Variants in USP36 observed in about 807,000 individuals in gnomAD.
USP36 encodes ubiquitin specific peptidase 36, also known as ubiquitin carboxyl-terminal hydrolase 36.
In USP36, 59 loss-of-function variants were observed where a neutral mutation model predicts 111.5. The ratio of observed to expected loss-of-function variants is 0.53; its 90% CI spans 0.43 to 0.66. USP36 has a LOEUF of 0.66. Among genes scored for constraint, USP36 ranks in the 30% least tolerant of loss-of-function variants. USP36 has a pLI of 0.00. For missense variants in USP36, 1,488 were observed against 1,468.0 expected (o/e 1.01, Z -0.22); for synonymous variants, 628 against 581.0 (o/e 1.08, Z -1.16).
At chr17:78,826,839 C>A (rs1452033307) in intron 6 of USP36, 1 of 535,612 alleles carries the variant, frequency 1.9e-6, no homozygotes, top group East Asian at 3.2e-5. Context: ...AATTATACTG[C>A]AGAGACCTCA....
At chr17:78,834,466 G>A (rs1332032131) in intron 4 of USP36, among the ~76,000 whole-genome samples, 4 of 151,928 alleles carry the variant, frequency 2.6e-5, no homozygotes, top group Non-Finnish European at 5.9e-5. Context: ...TGTGTGAGAT[G>A]GAGTCTTGCT....
chr17:78,815,816 C>T (rs1368697746), intron 10 of USP36, among the ~76,000 whole-genome samples: 3 of 148,982 alleles, frequency 2.0e-5, no homozygotes, highest in East Asian at 3.9e-4. Flanking sequence ...ACATCGTATA[C>T]ACACATGCAC....
At chr17:78,815,793 T>C (rs772340278) in intron 10 of USP36, among the ~76,000 whole-genome samples, 6 of 152,062 alleles carry the variant, frequency 3.9e-5, no homozygotes, top group Admixed American at 1.3e-4. Context: ...CATATATACA[T>C]ACATGCATAC....
In USP36 at chr17:78,807,429, GCTT is replaced by G; in HGVS notation, c.1612_1614del (p.Lys538del). The G allele has an allele frequency of 6.2e-7, 1 of 1,614,170 alleles. No homozygotes were observed. Among genetic ancestry groups the G allele is most frequent in the South Asian group, 1.1e-5 (1 of 91,086 alleles). ...GGGGAAAAGTGCTGTGGAGGAGCTG[GCTT>G]CTTCACCTTCTTTCCAGGGTCGTCT... On this transcript the variant is annotated inframe_deletion, in exon 14 of 21. Transcript: ENST00000449938.
At chr17:78,818,816 G>A (rs533257631) in intron 9 of USP36, 38 bp from the exon 10 acceptor site, 3 of 1,604,508 alleles carry the variant, frequency 1.9e-6, no homozygotes, top group African/African-American at 1.3e-5. Flanking sequence ...ATGAATGATT[G>A]ATTCGTGCTC....
At chr17:78,811,344 T>C (rs1386373587) in intron 13 of USP36, among the ~76,000 whole-genome samples, 4 of 152,108 alleles carry the variant, frequency 2.6e-5, no homozygotes, top group Non-Finnish European at 5.9e-5. Flanking sequence ...TTTATCATCC[T>C]CTCTCTGTAT....
rs926351223 is a variant in USP36 at position 78,832,146 on chromosome 17, A to G, written c.475+3134T>C. Among the ~76,000 whole-genome samples the G allele has an allele frequency of 4.6e-5, 7 of 152,322 alleles. No individual in the cohort carries two copies. The South Asian group carries it at 1.2e-3, about 27-fold the overall frequency. On this transcript the variant is annotated intron_variant, in intron 4 of 20. Transcript: ENST00000449938. ...CGGACATAGAGAGATTTGGGAAACA[A>G]AAGGACAGGACTGAACTGCGTTCCT...
intron 12 of USP36, 144 bp from the exon 13 acceptor site, chr17:78,813,145 C>T: frequency 9.2e-7 from 1 of 1,082,258 alleles, no homozygotes; most frequent in South Asian, 1.6e-5. Flanking sequence ...TGGAATCTCC[C>T]TTTGCCTTTC....
Position 78,803,531 on chromosome 17 carries a change from C to T in USP36, c.2664G>A (p.Gln888=). ...GQAQLPAVRR[Q]EDGTQPQVNG... is the part of the protein sequence containing the mutation. ...TCACCTGTGGCTGTGTGCCATCTTC[C>T]TGCCGTCTGACAGCGGGCAGCTGTG... Residue 888 remains glutamine (Q), a synonymous_variant, in exon 16 of 21, where the codon CAG becomes CAA. Transcript: ENST00000449938. This position sits in a 1 kb window ranked among gnomAD's most constrained non-coding sequence, Gnocchi z 4.6. 1 of 1,613,834 alleles carries T rather than the reference C, an allele frequency of 6.2e-7. No homozygotes were observed. Among genetic ancestry groups the T allele is most frequent in the East Asian group, 2.2e-5 (1 of 44,876 alleles).
intron 6 of USP36, 54 bp from the exon 7 acceptor site, chr17:78,822,058 G>A (rs985461544): frequency 1.2e-6 from 2 of 1,604,030 alleles, no homozygotes; most frequent in Non-Finnish European, 1.7e-6. Context: ...TGACACGAGG[G>A]ATGGCCCCAT....
At chr17:78,836,057 C>G in intron 3 of USP36, 54 bp downstream of exon 3, 1 of 1,591,084 alleles carries the variant, frequency 6.3e-7, no homozygotes, top group African/African-American at 1.3e-5. Flanking sequence ...TAAGTCCATC[C>G]ACTTCGTCAC....
chr17:78,798,812 C>T lies in USP36; in HGVS notation c.3240+96G>A. On this transcript the variant is annotated intron_variant, in intron 19 of 20. Transcript: ENST00000449938. This position sits in a 1 kb window ranked among gnomAD's most constrained non-coding sequence, Gnocchi z 5.1. ...GCCTGGCTCTTCTCATGCTCGGCCG[C>T]TTCATGCCACTGCCGCCACCTCCAA... 3 of 1,468,970 alleles carry T rather than the reference C, an allele frequency of 2.0e-6. No homozygotes were observed. The highest frequency in any genetic ancestry group is 2.8e-6 in the Non-Finnish European group (3 of 1,062,160). 91.0% of individuals were successfully genotyped at this position (1,468,970 alleles called of 1,614,324 possible). A position where few individuals can be genotyped will look rare whatever the true frequency, so the allele number is the denominator to read the frequency against.
chr17:78,793,442 T>C (rs901697830), downstream of USP36, among the ~76,000 whole-genome samples: 4 of 152,138 alleles, frequency 2.6e-5, no homozygotes, highest in African/African-American at 9.7e-5. Flanking sequence ...GGCACCCAGA[T>C]GATCTTCTCC....
intron 16 of USP36, among the ~76,000 whole-genome samples, chr17:78,802,766 G>A (rs543383174): frequency 6.6e-6 from 1 of 152,298 alleles, no homozygotes; most frequent in Non-Finnish European, 1.5e-5. Flanking sequence ...AGCCAAGCCT[G>A]TTGACGCCAA....
Position 78,798,646 on chromosome 17 carries a change from GGCTCTCATGA to G in USP36, c.3241-105_3241-96del. On this transcript the variant is annotated intron_variant, in intron 19 of 20. Transcript: ENST00000449938. The surrounding 1 kb of genome is among the most constrained non-coding windows in gnomAD (Gnocchi z 5.1). ...GCATGCAGGTCCTGCACACAGGCCG[GGCTCTCATGA>G]GCTCTCTGGAGACCCACTCTTCACA... The G allele has an allele frequency of 6.4e-7, 1 of 1,569,540 alleles. No homozygotes were observed. Among genetic ancestry groups the G allele is most frequent in the Non-Finnish European group, 8.6e-7 (1 of 1,159,688 alleles).
rs567338222 is a variant in USP36 at position 78,827,957 on chromosome 17, C to T, written c.587-610G>A. 3.2e-4 allele frequency among the ~76,000 whole-genome samples: 48 copies of T among 152,264 alleles called. 2 individuals carry two copies. The South Asian group carries it at 1.0e-2, about 32-fold the overall frequency. ...TGTAAAATCCGGCAGGATGCAATGG[C>T]TTATGCCTGTAATCCCAACACTTTG... On this transcript the variant is annotated intron_variant, in intron 5 of 20. Coordinates refer to ENST00000449938, the MANE Select transcript of USP36 (RefSeq NM_001385174.1).
intron 13 of USP36, 103 bp downstream of exon 13, chr17:78,812,757 C>A: frequency 2.8e-5 from 26 of 935,428 alleles, no homozygotes; most frequent in Non-Finnish European, 3.6e-5. Flanking sequence ...ATAGTGCAAA[C>A]TGCCTGCAAA....
At chr17:78,808,990 A>G (rs539946919) in intron 13 of USP36, among the ~76,000 whole-genome samples, 1 of 152,316 alleles carries the variant, frequency 6.6e-6, no homozygotes, top group East Asian at 1.9e-4. Flanking sequence ...AAAATGCCAA[A>G]CTGCTTTTAC....
At position 78,807,193 on chromosome 17, in the gene USP36, G is replaced by A. The variant is rs777191172; in HGVS notation, c.1851C>T (p.His617=). The change falls in exon 14 of 21, where the codon CAC becomes CAT. Residue 617 remains histidine (H), a synonymous_variant. Coordinates refer to ENST00000449938, the MANE Select transcript of USP36 (RefSeq NM_001385174.1). ...CCTTGGTGGAGTCGCTGCTGGCCGA[G>A]TGCTCTGGGCTGGAGCTGCTGGAGC... is the stretch of plus-strand genomic sequence containing the variant. ...RRGSSSSSPE[H]SASSDSTKAP... 36 of 1,614,020 alleles carry A rather than the reference G, an allele frequency of 2.2e-5. No homozygotes were observed. Among genetic ancestry groups the A allele is most frequent in the Admixed American group, 2.0e-4 (12 of 60,000 alleles).
Sources: gnomAD v4.1 joint callset for allele counts (sites outside exome capture counted in the v4.1 genomes callset) on GRCh38, gnomAD v4.1.1 for gene constraint, Gnocchi (gnomAD v3.1) non-coding constraint, MANE v1.5 for transcripts, NCBI Gene and HGNC (gene_info 2026-07-23, HGNC 2026-07-21) for gene names.